The following SRGAP3 variants were observed in gnomAD, a reference collection of about 807,000 sequenced individuals.
SRGAP3 encodes the protein SLIT-ROBO Rho GTPase activating protein 3, also known as SLIT-ROBO Rho GTPase-activating protein 3.
A neutral mutation model predicts 121.1 loss-of-function variants in SRGAP3; 39 were observed. That is an observed-to-expected ratio of 0.32 (90% CI 0.25 to 0.42). The LOEUF (loss-of-function observed/expected upper bound fraction) is 0.42. Ranked by LOEUF, SRGAP3 falls within the 10% of genes least tolerant of loss-of-function variation. The pLI is 1.00. For missense variants in SRGAP3, 1,213 were observed against 1,470.6 expected (o/e 0.82, Z 2.86); for synonymous variants, 601 against 570.0 (o/e 1.05, Z -0.77).
At chr3:8,998,243 T>C (rs889678464) in intron 18 of SRGAP3, among the ~76,000 whole-genome samples, 1 of 152,250 alleles carries the variant, frequency 6.6e-6, no homozygotes, top group African/African-American at 2.4e-5. Flanking sequence ...TTACAGGGCC[T>C]TTGTACTTCC....
chr3:9,277,574 C>G (rs1490561699), intron 3 of SRGAP3, among the ~76,000 whole-genome samples: 1 of 140,538 alleles, frequency 7.1e-6, no homozygotes, highest in Non-Finnish European at 1.5e-5. Flanking sequence ...CACCACTGCA[C>G]TCTAGCCTGG....
rs764026111 is a variant in SRGAP3 at position 8,994,441 on chromosome 3, C to G, written c.2310G>C (p.Ser770=). 57 of 1,614,076 alleles carry G rather than the reference C, an allele frequency of 3.5e-5. No individual in the cohort carries two copies. Among genetic ancestry groups the G allele is most frequent in the Non-Finnish European group, 4.4e-5 (52 of 1,180,052 alleles). The stretch of plus-strand genomic sequence containing the variant: ...CCGAGGCGCGGTGGTACAGGAGCAG[C>G]GAGGCCCCCTTCTTGAAGGATAGCT... ...PRELSFKKGA[S]LLLYHRASED... is the part of the protein sequence containing the mutation. Residue 770 remains serine, a synonymous_variant, in exon 19 of 22, where the codon TCG becomes TCC. Transcript: ENST00000383836.
intron 12 of SRGAP3, among the ~76,000 whole-genome samples, chr3:9,029,002 C>T (rs1164875365): frequency 5.9e-5 from 9 of 152,272 alleles, no homozygotes; most frequent in Admixed American, 6.5e-5. Context: ...GCACTTGTCC[C>T]ATCCAGGCTC....
intron 1 of SRGAP3, among the ~76,000 whole-genome samples, chr3:9,353,399 G>C (rs916399883): frequency 6.6e-6 from 1 of 152,230 alleles, no homozygotes; most frequent in African/African-American, 2.4e-5. Context: ...CCTTCTTCCA[G>C]TAATCTCAGT....
At position 8,985,545 on chromosome 3, in the gene SRGAP3, A is replaced by G; in HGVS notation, c.3274T>C (p.Ser1092Pro). The G allele has an allele frequency of 6.3e-7, 1 of 1,596,184 alleles. No individual in the cohort carries two copies. Among genetic ancestry groups the G allele is most frequent in the African/African-American group, 1.4e-5 (1 of 74,072 alleles). ...CACATGGTGCCCGACTTGTCCGCTG[A>G]GCTGTTGGGGAACATCTTCTCGGTG... The part of the protein sequence containing the change: ...TPTEKMFPNS[S>P]ADKSGTM The change falls in exon 22 of 22, where the codon TCA becomes CCA. Residue 1092 changes from serine (S) to proline (P), a missense_variant. Around this residue, in one of 2 missense-constraint regions of SRGAP3, gnomAD observed 420 missense variants for 437.7 expected, o/e 0.96. Transcript: ENST00000383836. The surrounding 1 kb of genome is among the most constrained non-coding windows in gnomAD (Gnocchi z 5.1).
At chr3:9,261,247 C>T (rs189396213) in intron 3 of SRGAP3, among the ~76,000 whole-genome samples, 3 of 152,210 alleles carry the variant, frequency 2.0e-5, no homozygotes, top group East Asian at 3.9e-4. Flanking sequence ...GAGGAAAAAC[C>T]GAAGCAAAAA....
At position 9,289,915 on chromosome 3, in the gene SRGAP3, C is replaced by T. The variant is rs527867794; in HGVS notation, n.442+36095G>A. Among the ~76,000 whole-genome samples, 227 of 152,234 alleles carry T rather than the reference C, an allele frequency of 1.5e-3. 1 individual carries two copies. The highest frequency in any genetic ancestry group is 9.9e-4 in the Non-Finnish European group (67 of 67,996). On this transcript the variant is annotated intron_variant and non_coding_transcript_variant, in intron 3 of 3. Transcript: ENST00000490889. ...TTGAGGTCAGGAGTTTGAGACCAGC[C>T]TGGCCAACATGGTGAAGAAACCCTG...
intron 8 of SRGAP3, among the ~76,000 whole-genome samples, chr3:9,055,637 T>C (rs142621019): frequency 6.6e-6 from 1 of 152,358 alleles, no homozygotes; most frequent in African/African-American, 2.4e-5. Flanking sequence ...CCCTAGGTTG[T>C]TTATTTCATT....
At chr3:9,283,061 C>T (rs1190263742) in intron 3 of SRGAP3, among the ~76,000 whole-genome samples, 1 of 151,994 alleles carries the variant, frequency 6.6e-6, no homozygotes, top group Non-Finnish European at 1.5e-5. Context: ...CCGCCTCAGC[C>T]TCCCAAGTAG....
chr3:9,013,952 T>C (rs1356706264), intron 15 of SRGAP3, 110 bp from the exon 16 acceptor site: 5 of 956,578 alleles, frequency 5.2e-6, no homozygotes, highest in Non-Finnish European at 6.6e-6. Flanking sequence ...GGGAGCCAGC[T>C]CTACTCTTGA....
In SRGAP3 at chr3:9,218,383, C is replaced by T. The variant is rs1189318508; in HGVS notation, c.67+30502G>A. On this transcript the variant is annotated intron_variant, in intron 1 of 21. Transcript: ENST00000383836. The surrounding 1 kb of genome is among the most constrained non-coding windows in gnomAD (Gnocchi z 5.3). ...GTCACCTAAAGCATGATGGCAGAAT[C>T]TAAGCATAAACGCTTAGCAGAGAAA... The T allele has an allele frequency of 2.0e-5, 3 of 152,202 alleles. No homozygotes were observed. Among genetic ancestry groups the T allele is most frequent in the Non-Finnish European group, 2.9e-5 (2 of 68,056 alleles). 9.4% of individuals were successfully genotyped at this position (152,202 alleles called of 1,614,324 possible). A position where few individuals can be genotyped will look rare whatever the true frequency, so the allele number is the denominator to read the frequency against.
At chr3:9,052,846 T>A (rs1264059877) in intron 9 of SRGAP3, among the ~76,000 whole-genome samples, 181 bp downstream of exon 9, 1 of 152,174 alleles carries the variant, frequency 6.6e-6, no homozygotes, top group Admixed American at 6.5e-5. Flanking sequence ...CCATTGGGAA[T>A]TCACTTTCTG....
At chr3:9,310,715 C>A (rs935109986) in intron 3 of SRGAP3, among the ~76,000 whole-genome samples, 5 of 152,192 alleles carry the variant, frequency 3.3e-5, no homozygotes, top group Non-Finnish European at 7.3e-5. Flanking sequence ...AAAGAAGGAT[C>A]AAACTAGGTC....
At chr3:9,070,911 T>A (rs756544409) in intron 4 of SRGAP3, among the ~76,000 whole-genome samples, 5 of 151,974 alleles carry the variant, frequency 3.3e-5, no homozygotes, top group Non-Finnish European at 7.4e-5. Context: ...GATCACATGG[T>A]GGGATAAGTA....
chr3:9,255,693 G>A (rs1275291436), intron 3 of SRGAP3, among the ~76,000 whole-genome samples: 2 of 152,128 alleles, frequency 1.3e-5, no homozygotes, highest in African/African-American at 4.8e-5. Flanking sequence ...AGCCCCAGGA[G>A]CTCCCAAAGG....
chr3:9,250,666 GT>G (rs1286904738), upstream of SRGAP3, among the ~76,000 whole-genome samples: 1 of 152,174 alleles, frequency 6.6e-6, no homozygotes, highest in Non-Finnish European at 1.5e-5. Context: ...AGTAGCAACT[GT>G]TATTACCCTT....
chr3:9,288,139 T>G (rs1574974240), intron 3 of SRGAP3, among the ~76,000 whole-genome samples: 1 of 150,758 alleles, frequency 6.6e-6, no homozygotes, highest in Non-Finnish European at 1.5e-5. Context: ...TGTTTTTTTT[T>G]TTTTTTTTTC....
At chr3:8,987,583 T>G (rs994654242) in intron 21 of SRGAP3, among the ~76,000 whole-genome samples, 1 of 128,036 alleles carries the variant, frequency 7.8e-6, no homozygotes, top group Non-Finnish European at 1.5e-5. Context: ...CAGGCTTCAA[T>G]CTGGCTGGGG....
At chr3:9,238,547 T>C (rs1205913531) in intron 1 of SRGAP3, among the ~76,000 whole-genome samples, 2 of 151,724 alleles carry the variant, frequency 1.3e-5, no homozygotes, top group Admixed American at 6.6e-5. Context: ...GGAGAGTAAA[T>C]CAGTAAAGCA....
Sources: gnomAD v4.1 joint callset for allele counts (sites outside exome capture counted in the v4.1 genomes callset) on GRCh38, gnomAD v4.1.1 for gene constraint, gnomAD v4.1.1 regional missense constraint, Gnocchi (gnomAD v3.1) non-coding constraint, MANE v1.5 for transcripts, NCBI Gene and HGNC (gene_info 2026-07-23, HGNC 2026-07-21) for gene names.